Variants in EYS observed in about 807,000 individuals in gnomAD.
EYS encodes EGF-like photoreceptor maintenance factor, also known as protein eyes shut homolog.
EYS carries 250 observed loss-of-function variants against 282.1 expected under a neutral mutation model. The observed-to-expected ratio is 0.89, with a 90% CI of 0.80 to 0.98. EYS has a LOEUF of 0.98. Ranked by LOEUF, EYS falls within the 50% of genes least tolerant of loss-of-function variation. The pLI is 0.00. For synonymous variants in EYS, 1,355 were observed against 1,282.9 expected (o/e 1.06, Z -1.20); for missense variants, 4,016 against 3,709.0 (o/e 1.08, Z -2.15).
intron 26 of EYS, among the ~76,000 whole-genome samples, chr6:64,582,176 T>G (rs779604553): frequency 1.2e-4 from 18 of 152,146 alleles, no homozygotes; most frequent in Non-Finnish European, 2.2e-4. Flanking sequence ...TGTAAACCAG[T>G]GGTCTCCAAC....
intron 40 of EYS, among the ~76,000 whole-genome samples, chr6:63,772,085 A>G (rs1769938313): frequency 6.6e-6 from 1 of 151,804 alleles, no homozygotes; most frequent in East Asian, 1.9e-4. Context: ...TTTTGGCACT[A>G]GAAGTGTTCA....
intron 24 of EYS, among the ~76,000 whole-genome samples, chr6:64,604,067 G>T (rs1766848696): frequency 6.6e-6 from 1 of 151,912 alleles, no homozygotes; most frequent in African/African-American, 2.4e-5. Context: ...GGTGGAACAT[G>T]TTCCATCAAA....
chr6:64,962,003 C>T (rs1769936379), intron 14 of EYS, among the ~76,000 whole-genome samples: 2 of 152,028 alleles, frequency 1.3e-5, no homozygotes, highest in Admixed American at 1.3e-4. Flanking sequence ...GTGAAGTCAC[C>T]AAAAACATAA....
chr6:63,974,034 A>T (rs1766715795), intron 35 of EYS, among the ~76,000 whole-genome samples: 1 of 152,124 alleles, frequency 6.6e-6, no homozygotes, highest in East Asian at 1.9e-4. Flanking sequence ...TTTCTAAATT[A>T]ATCACTTAAA....
At chr6:65,132,580 A>G (rs948499758) in intron 12 of EYS, among the ~76,000 whole-genome samples, 1 of 151,896 alleles carries the variant, frequency 6.6e-6, no homozygotes, top group African/African-American at 2.4e-5. Context: ...TGAATAATCT[A>G]TGACAAACCC....
rs199757894 is a variant in EYS, at chr6:65,559,416, A to AT, written c.-332-63424dup. On this transcript the variant is annotated intron_variant, in intron 2 of 42. Coordinates refer to ENST00000503581, the MANE Select transcript of EYS (RefSeq NM_001142800.2). The stretch of plus-strand genomic sequence containing the variant: ...AAAGAAAAGAAAGAAAAGAAAAAAA[A>AT]TTTTTTTTGGCTACTCCCAATAGAT... Among the ~76,000 whole-genome samples, 1,270 of 151,422 alleles carry AT rather than the reference A, an allele frequency of 8.4e-3. 20 individuals are homozygous for AT. The highest frequency in any genetic ancestry group is 0.01 in the Non-Finnish European group (700 of 67,618).
Position 64,047,772 on chromosome 6 carries a change from C to T in EYS, c.6725+18566G>A, listed in dbSNP as rs535701619. On this transcript the variant is annotated intron_variant, in intron 33 of 42. Transcript: ENST00000503581. ...TAGAAGGTTAAGTCACTTGCTTGGACAAACTACGTGTCCCTACTGAATATC... is the reference window on the plus strand; with the variant it reads ...TAGAAGGTTAAGTCACTTGCTTGGATAAACTACGTGTCCCTACTGAATATC... Among the ~76,000 whole-genome samples, 6 of 152,296 alleles carry T rather than the reference C, an allele frequency of 3.9e-5. No homozygotes were observed. In the South Asian group the frequency reaches 1.2e-3, roughly 32 times the overall value.
chr6:64,919,079 G>T (rs1768254139), intron 15 of EYS, among the ~76,000 whole-genome samples: 1 of 152,104 alleles, frequency 6.6e-6, no homozygotes, highest in Non-Finnish European at 1.5e-5. Flanking sequence ...AAAGAAATAG[G>T]CAGGAAAGAG....
intron 35 of EYS, among the ~76,000 whole-genome samples, chr6:63,897,538 A>G (rs753072247): frequency 1.2e-4 from 18 of 152,196 alleles, no homozygotes; most frequent in Non-Finnish European, 2.4e-4. Flanking sequence ...GAGGCAAGAT[A>G]TGGATTCTCA....
intron 13 of EYS, among the ~76,000 whole-genome samples, chr6:65,038,375 G>A (rs1425202011): frequency 6.6e-6 from 1 of 150,964 alleles, no homozygotes; most frequent in Non-Finnish European, 1.5e-5. Flanking sequence ...TTTATCTTTT[G>A]TTTAGCATAA....
intron 26 of EYS, among the ~76,000 whole-genome samples, chr6:64,490,191 G>A (rs765390974): frequency 4.0e-5 from 6 of 150,770 alleles, no homozygotes; most frequent in Non-Finnish European, 8.9e-5. Context: ...GGGAACCTGG[G>A]CCATATAAGA....
intron 8 of EYS, among the ~76,000 whole-genome samples, chr6:65,354,116 T>C (rs1458015492): frequency 6.6e-6 from 1 of 152,160 alleles, no homozygotes; most frequent in East Asian, 1.9e-4. Flanking sequence ...AAAAATCATA[T>C]ATAGTTATAT....
chr6:64,176,441 A>T (rs573128711), intron 31 of EYS, among the ~76,000 whole-genome samples: 5 of 152,182 alleles, frequency 3.3e-5, no homozygotes, highest in African/African-American at 1.2e-4. Context: ...ATTTGATTGT[A>T]AACTTTTTGA....
At chr6:64,626,071 C>G (rs564533277) in intron 23 of EYS, 50 bp downstream of exon 23, 3 of 1,054,518 alleles carry the variant, frequency 2.8e-6, no homozygotes, top group Non-Finnish European at 4.2e-6. Context: ...TTTACATAAA[C>G]GTATATATTA....
At chr6:64,826,646 T>G (rs953023272) in intron 19 of EYS, among the ~76,000 whole-genome samples, 1 of 148,428 alleles carries the variant, frequency 6.7e-6, no homozygotes, top group Non-Finnish European at 1.5e-5. Context: ...TAATAGAAAT[T>G]ATATATATTC....
intron 31 of EYS, among the ~76,000 whole-genome samples, chr6:64,118,467 G>A (rs115429244): frequency 0.019 from 2,933 of 152,016 alleles, 82 homozygotes; most frequent in African/African-American, 0.066. Context: ...AATGGTGCTG[G>A]GAAAACTAGG....
intron 33 of EYS, among the ~76,000 whole-genome samples, chr6:64,024,411 G>C (rs1258537780): frequency 6.6e-6 from 1 of 152,108 alleles, no homozygotes; most frequent in East Asian, 1.9e-4. Context: ...GTCTAGCTCA[G>C]GGATTGTAAA....
chr6:64,626,408 C>T (rs896671525), intron 22 of EYS, among the ~76,000 whole-genome samples, 163 bp from the exon 23 acceptor site: 2 of 152,060 alleles, frequency 1.3e-5, no homozygotes, highest in Admixed American at 6.6e-5. Flanking sequence ...GGCCCCAAAA[C>T]AGTATGTCTA....
At chr6:64,297,263 C>T (rs1769066267) in intron 30 of EYS, among the ~76,000 whole-genome samples, 1 of 152,290 alleles carries the variant, frequency 6.6e-6, no homozygotes, top group African/African-American at 2.4e-5. Context: ...CTCCCCACCA[C>T]CTTGAACTAT....
Sources: gnomAD v4.1 joint callset for allele counts (sites outside exome capture counted in the v4.1 genomes callset) on GRCh38, gnomAD v4.1.1 for gene constraint, MANE v1.5 for transcripts, NCBI Gene and HGNC (gene_info 2026-07-23, HGNC 2026-07-21) for gene names.